Variants in KCTD19 observed in about 807,000 individuals in gnomAD.
KCTD19 encodes potassium channel tetramerization domain containing 19.
Under a neutral mutation model 103.5 loss-of-function variants are expected in KCTD19, and 67 were observed. That is an observed-to-expected ratio of 0.65 (90% CI 0.53 to 0.79). The LOEUF (loss-of-function observed/expected upper bound fraction) is 0.79. Ranked by LOEUF, KCTD19 falls within the 30% of genes least tolerant of loss-of-function variation. The probability of loss-of-function intolerance (pLI) is 0.00; values close to 1 mark genes in which losing one functional copy is unlikely to be tolerated. For synonymous variants in KCTD19, 439 were observed against 452.2 expected (o/e 0.97, Z 0.37); for missense variants, 980 against 1,136.1 (o/e 0.86, Z 1.98).
At chr16:67,290,256 C>T (rs1303713588) in intron 15 of KCTD19, among the ~76,000 whole-genome samples, 2 of 128,892 alleles carry the variant, frequency 1.6e-5, no homozygotes, top group East Asian at 5.5e-4. Context: ...CGGCTCACTA[C>T]AAGCTCCGCC....
In KCTD19 at chr16:67,303,276, C is replaced by T; in HGVS notation, c.513G>A (p.Glu171=). The stretch of plus-strand genomic sequence containing the variant: ...CTAGGGGCAGGAAGCAGTAGTGCAC[C>T]TCCTCTTCTGTGTCTAACAGGGGTG... ...MDTPLLDTEE[E]VHYCFLPLDL... The change falls in exon 4 of 16, where the codon GAG becomes GAA. Residue 171 remains glutamate, a synonymous_variant. Coordinates refer to ENST00000304372, the MANE Select transcript of KCTD19 (RefSeq NM_001100915.3). The surrounding 1 kb of genome is among the most constrained non-coding windows in gnomAD (Gnocchi z 4.3). 6.2e-7 allele frequency: 1 copy of T among 1,614,152 alleles called. No individual in the cohort carries two copies. The highest frequency in any genetic ancestry group is 8.5e-7 in the Non-Finnish European group (1 of 1,180,010).
Position 67,303,204 on chromosome 16 carries a change from C to T in KCTD19, c.585G>A (p.Leu195=). Reference sequence around the variant, plus strand: ...TGAGGGCCACCGTCTCAGCCAGCCACAGCAGGTTGTCTTCAGTCACTAGGC... The same window carrying T: ...TGAGGGCCACCGTCTCAGCCAGCCATAGCAGGTTGTCTTCAGTCACTAGGC... The part of the protein sequence containing the change: ...YPSLVTEDNL[L]WLAETVALIE... The change falls in exon 4 of 16, where the codon CTG becomes CTA. Residue 195 remains leucine (L), a synonymous_variant. Transcript: ENST00000304372. This position sits in a 1 kb window ranked among gnomAD's most constrained non-coding sequence, Gnocchi z 4.3. 6.2e-7 allele frequency: 1 copy of T among 1,613,772 alleles called. No homozygotes were observed.
At chr16:67,305,101 AT>A (rs2036878602) in intron 2 of KCTD19, among the ~76,000 whole-genome samples, 1 of 152,234 alleles carries the variant, frequency 6.6e-6, no homozygotes, top group South Asian at 2.1e-4. Flanking sequence ...AAGTTTTGTT[AT>A]AATTTTATGT....
At chr16:67,299,604 G>A (rs760373752) in intron 5 of KCTD19, 31 bp from the exon 6 acceptor site, 8 of 1,571,412 alleles carry the variant, frequency 5.1e-6, no homozygotes, top group Non-Finnish European at 7.0e-6. Flanking sequence ...TGACTCCTAG[G>A]CCCCCCATGG....
rs2036852099 is a variant in KCTD19 at position 67,303,077 on chromosome 16, C to T, written c.643+69G>A. Reference sequence around the variant, plus strand: ...AGCACCAAGCTGGGCCTCTGTGGGACATGTGATGGGGAGGGGTGAATGGGC... The same window carrying T: ...AGCACCAAGCTGGGCCTCTGTGGGATATGTGATGGGGAGGGGTGAATGGGC... On this transcript the variant is annotated intron_variant, in intron 4 of 15. Coordinates refer to ENST00000304372, the MANE Select transcript of KCTD19 (RefSeq NM_001100915.3). This position sits in a 1 kb window ranked among gnomAD's most constrained non-coding sequence, Gnocchi z 4.3. 35 of 1,482,712 alleles carry T rather than the reference C, an allele frequency of 2.4e-5. 1 individual carries two copies. The South Asian group carries it at 3.7e-4, about 16-fold the overall frequency. 91.8% of individuals were successfully genotyped at this position (1,482,712 alleles called of 1,614,324 possible).
In KCTD19 at chr16:67,296,207, C is replaced by T. The variant is rs1219017822; in HGVS notation, c.1200G>A (p.Val400=). 1 of 1,613,918 alleles carries T rather than the reference C, an allele frequency of 6.2e-7. No individual in the cohort carries two copies. The highest frequency in any genetic ancestry group is 8.5e-7 in the Non-Finnish European group (1 of 1,179,798). The change falls in exon 8 of 16, where the codon GTG becomes GTA. Residue 400 remains valine (V), a synonymous_variant. Coordinates refer to ENST00000304372, the MANE Select transcript of KCTD19 (RefSeq NM_001100915.3). ...TTGCGTACCAGTGGCTTCCAACATA[C>T]ACTTTGATGATCTGTTGTGGGGAAT... The part of the protein sequence containing the change: ...TVYSPQQIIK[V]YVGSHWYATT...
intron 2 of KCTD19, among the ~76,000 whole-genome samples, chr16:67,311,612 T>G (rs1378786901): frequency 6.6e-6 from 1 of 151,996 alleles, no homozygotes; most frequent in East Asian, 1.9e-4. Flanking sequence ...AGGCCAAATC[T>G]TAAAAGGGGA....
At chr16:67,309,128 CAAAAAAA>C (rs60872060) in intron 2 of KCTD19, among the ~76,000 whole-genome samples, 32 of 75,934 alleles carry the variant, frequency 4.2e-4, no homozygotes, top group African/African-American at 1.1e-3. Flanking sequence ...GACTTCAGCT[CAAAAAAA>C]AAAAAAAAAG....
chr16:67,320,473 T>C lies in KCTD19; in HGVS notation c.300+116A>G, dbSNP rs2037059782. The C allele has an allele frequency of 1.0e-6, 1 of 960,506 alleles. No individual in the cohort carries two copies. The allele number at this position is 960,506 out of a possible 1,614,324, so 59.5% of individuals were successfully genotyped here. A position where few individuals can be genotyped will look rare whatever the true frequency, so the allele number is the denominator to read the frequency against. On this transcript the variant is annotated intron_variant, in intron 2 of 15. Transcript: ENST00000304372. This position sits in a 1 kb window ranked among gnomAD's most constrained non-coding sequence, Gnocchi z 4.0. ...ATTATTTATTACTTTAACACACTTA[T>C]TACATTTGCCCATTAAGAGGGTCAT...
chr16:67,315,830 G>T (rs772055672), intron 2 of KCTD19, among the ~76,000 whole-genome samples: 1 of 151,520 alleles, frequency 6.6e-6, no homozygotes, highest in African/African-American at 2.4e-5. Context: ...GGCCAGGCTG[G>T]TCTCCAACCC....
Position 67,293,937 on chromosome 16 carries a change from G to A in KCTD19, c.1825C>T (p.Pro609Ser), listed in dbSNP as rs201700190. Residue 609 changes from proline to serine, a missense_variant, in exon 12 of 16, where the codon CCA becomes TCA. Coordinates refer to ENST00000304372, the MANE Select transcript of KCTD19 (RefSeq NM_001100915.3). This position sits in a 1 kb window ranked among gnomAD's most constrained non-coding sequence, Gnocchi z 4.0. The part of the protein sequence containing the change: ...GHWGSHPESP[P>S]KKKCTTINLT... ...TTGATTGTGGTGCATTTCTTCTTTGGGGGGCTCTCAGGGTGGCTCCCCCAG... is the reference window on the plus strand; with the variant it reads ...TTGATTGTGGTGCATTTCTTCTTTGAGGGGCTCTCAGGGTGGCTCCCCCAG... The A allele has an allele frequency of 2.0e-5, 33 of 1,613,976 alleles. No homozygotes were observed. The highest frequency in any genetic ancestry group is 2.5e-5 in the Non-Finnish European group (30 of 1,180,024).
chr16:67,313,165 AG>A (rs1175920093), intron 2 of KCTD19, among the ~76,000 whole-genome samples: 3 of 150,978 alleles, frequency 2.0e-5, no homozygotes, highest in Non-Finnish European at 4.4e-5. Flanking sequence ...GCTGGAGTGC[AG>A]TGGTGCGATC....
rs1436981261 is a variant in KCTD19, at chr16:67,291,332, C to A, written c.2542G>T (p.Val848Phe). Residue 848 changes from valine to phenylalanine, a missense_variant, in exon 14 of 16, where the codon GTC becomes TTC. Transcript: ENST00000304372. ...KDPKAITAKV[V>F]SLANRLWTLH... The stretch of plus-strand genomic sequence containing the variant: ...ACCCACAGCCGATTGGCCAGGGAGA[C>A]CACCTTGGCTGTGATGGCTTTGGGG... 21 of 1,613,844 alleles carry A rather than the reference C, an allele frequency of 1.3e-5. No individual in the cohort carries two copies. The highest frequency in any genetic ancestry group is 1.8e-5 in the Non-Finnish European group (21 of 1,179,984).
In KCTD19 at chr16:67,299,469, G is replaced by A; in HGVS notation, c.880C>T (p.Leu294=). The A allele has an allele frequency of 6.2e-7, 1 of 1,614,240 alleles. No homozygotes were observed. Among genetic ancestry groups the A allele is most frequent in the Non-Finnish European group, 8.5e-7 (1 of 1,180,040 alleles). ...AGCGCAGAGTCCGGGTACTTGACCA[G>A]CAGACCCAGGGCCATTGTGTAGAGC... is the stretch of plus-strand genomic sequence containing the variant. ...KPLYTMALGL[L]VKYPDSALGQ... The change falls in exon 6 of 16, where the codon CTG becomes TTG. Residue 294 remains leucine (L), a synonymous_variant. Transcript: ENST00000304372.
At position 67,301,784 on chromosome 16, in the gene KCTD19, G is replaced by A. The variant is rs967629789; in HGVS notation, c.775+7C>T. The stretch of plus-strand genomic sequence containing the variant: ...CGAGGGGGAGCCAAGGTTTCCTGGC[G>A]ACATACCCATGTTCATCCGGTACCA... On this transcript the variant is annotated splice_region_variant and intron_variant, in intron 5 of 15. Coordinates refer to ENST00000304372, the MANE Select transcript of KCTD19 (RefSeq NM_001100915.3). 36 of 1,613,320 alleles carry A rather than the reference G, an allele frequency of 2.2e-5. No homozygotes were observed. Among genetic ancestry groups the A allele is most frequent in the Admixed American group, 1.0e-4 (6 of 59,946 alleles).
chr16:67,312,207 G>A (rs1473200631), intron 2 of KCTD19, among the ~76,000 whole-genome samples: 1 of 152,158 alleles, frequency 6.6e-6, no homozygotes, highest in African/African-American at 2.4e-5. Flanking sequence ...GGACTTCAGG[G>A]GGGAAGTAAA....
intron 2 of KCTD19, among the ~76,000 whole-genome samples, chr16:67,314,568 TTTTA>T (rs953140420): frequency 1.8e-4 from 27 of 151,646 alleles, no homozygotes; most frequent in South Asian, 4.2e-4. Context: ...TATGGTGCCA[TTTTA>T]TTTATTTATT....
intron 2 of KCTD19, among the ~76,000 whole-genome samples, chr16:67,309,606 C>T (rs2036929491): frequency 6.6e-6 from 1 of 152,238 alleles, no homozygotes; most frequent in Non-Finnish European, 1.5e-5. Flanking sequence ...TTGAATCTGC[C>T]ACTTACTTCA....
chr16:67,299,475 C>T lies in KCTD19; in HGVS notation c.874G>A (p.Gly292Ser). 1 of 1,614,214 alleles carries T rather than the reference C, an allele frequency of 6.2e-7. No individual in the cohort carries two copies. ...SVKPLYTMAL[G>S]LLVKYPDSAL... ...GAGTCCGGGTACTTGACCAGCAGAC[C>T]CAGGGCCATTGTGTAGAGCGGTTTC... The change falls in exon 6 of 16, where the codon GGT becomes AGT. Residue 292 changes from glycine (G) to serine (S), a missense_variant. Gly to Ser is a moderately conservative substitution (Grantham distance 56). Coordinates refer to ENST00000304372, the MANE Select transcript of KCTD19 (RefSeq NM_001100915.3).
Sources: gnomAD v4.1 joint callset for allele counts (sites outside exome capture counted in the v4.1 genomes callset) on GRCh38, gnomAD v4.1.1 for gene constraint, Gnocchi (gnomAD v3.1) non-coding constraint, MANE v1.5 for transcripts, NCBI Gene and HGNC (gene_info 2026-07-23, HGNC 2026-07-21) for gene names.